Variants in SYNE2 observed in about 807,000 individuals in gnomAD.
SYNE2 encodes the protein nesprin-2.
SYNE2 carries 431 observed loss-of-function variants against 856.3 expected under a neutral mutation model. The observed-to-expected ratio is 0.50, with a 90% confidence interval of 0.47 to 0.55. The LOEUF (loss-of-function observed/expected upper bound fraction) is 0.55. Among genes scored for constraint, SYNE2 ranks in the 20% least tolerant of loss-of-function variants. The pLI is 0.00. For missense variants in SYNE2, 8,129 were observed against 8,023.2 expected (o/e 1.01, Z -0.50); for synonymous variants, 2,923 against 2,872.3 (o/e 1.02, Z -0.56).
In SYNE2 at chr14:63,780,325, G is replaced by A. The variant is rs1430825779; in HGVS notation, c.-305+18339G>A. ...GAGGCGGGCAGACGATTTGAGGTCA[G>A]GAGTTCAAGACCAGCCTGGCAAACA... On this transcript the variant is annotated intron_variant, in intron 1 of 23. Coordinates refer to the SYNE2 transcript ENST00000674003. 4.6e-5 allele frequency among the ~76,000 whole-genome samples: 7 copies of A among 152,196 alleles called. No homozygotes were observed. The East Asian group carries it at 1.2e-3, about 25-fold the overall frequency.
At position 64,052,287 on chromosome 14, in the gene SYNE2, A is replaced by C. The variant is rs751325605; in HGVS notation, c.8374A>C (p.Lys2792Gln). 1.2e-6 allele frequency: 2 copies of C among 1,614,214 alleles called. No individual in the cohort carries two copies. The highest frequency in any genetic ancestry group is 1.7e-6 in the Non-Finnish European group (2 of 1,180,040). ...ATCGTTGGCTGAAGAGGTCAAAGAT[A>C]AGGTTCCTAGCCTTACAACCTATGA... Reference protein sequence around the residue: ...VESLAEEVKDKVPSLTTYEGS... With the variant: ...VESLAEEVKDQVPSLTTYEGS... The change falls in exon 48 of 116, where the codon AAG (lysine) becomes CAG (glutamine). Residue 2792 changes from lysine to glutamine, a missense_variant. Lys to Gln is a moderately conservative substitution (Grantham distance 53). Around this residue, in one of 3 missense-constraint regions of SYNE2, gnomAD observed 5,410 missense variants for 5,284.8 expected, o/e 1.02. Transcript: ENST00000555002.
At chr14:63,773,479 G>C (rs939141651) in intron 1 of SYNE2, among the ~76,000 whole-genome samples, 1 of 152,174 alleles carries the variant, frequency 6.6e-6, no homozygotes, top group African/African-American at 2.4e-5. Context: ...GGGATTACAG[G>C]TGTGAGCCAC....
chr14:64,067,943 T>G (rs2097370102), intron 51 of SYNE2, among the ~76,000 whole-genome samples: 1 of 152,202 alleles, frequency 6.6e-6, no homozygotes, highest in African/African-American at 2.4e-5. Context: ...TCTGGGTTTT[T>G]TGGTCTCCTT....
chr14:64,029,844 A>G, intron 43 of SYNE2, 51 bp from the exon 44 acceptor site: 1 of 1,573,774 alleles, frequency 6.4e-7, no homozygotes. Context: ...TTTGTGAGTG[A>G]AAACAATCAG....
chr14:64,084,818 A>G (rs903872923), intron 57 of SYNE2: 28 of 601,408 alleles, frequency 4.7e-5, no homozygotes, highest in African/African-American at 2.2e-4. Context: ...CTCTGGCTCA[A>G]GGTCTCTCAT....
chr14:64,022,111 C>G (rs1273236843), intron 37 of SYNE2, 83 bp downstream of exon 37: 51 of 1,321,360 alleles, frequency 3.9e-5, no homozygotes, highest in Non-Finnish European at 5.0e-5. Context: ...CTAATCTAAG[C>G]CTGACTTAGA....
At chr14:64,169,759 C>T (rs988263333) in intron 93 of SYNE2, among the ~76,000 whole-genome samples, 1 of 152,132 alleles carries the variant, frequency 6.6e-6, no homozygotes, top group Non-Finnish European at 1.5e-5. Flanking sequence ...AAACAAGAGG[C>T]CTTATTTCTC....
rs1425400523 is a variant in SYNE2, at chr14:64,013,342, A to G, written c.4729-3131A>G. The stretch of plus-strand genomic sequence containing the variant: ...CATTAAATTTTTTTTTTTTTTTTGT[A>G]TATTTAGGGAGTTACAAGTGCAAAT... On this transcript the variant is annotated intron_variant, in intron 32 of 115. Coordinates refer to ENST00000555002, the MANE Select transcript of SYNE2 (RefSeq NM_182914.3). Among the ~76,000 whole-genome samples the G allele has an allele frequency of 4.3e-5, 5 of 115,804 alleles. No individual in the cohort carries two copies. The South Asian group carries it at 1.1e-3, about 25-fold the overall frequency. The allele number at this position is 115,804 out of a possible 152,430, so 76.0% of individuals were successfully genotyped here. A position where few individuals can be genotyped will look rare whatever the true frequency, so the allele number is the denominator to read the frequency against.
At chr14:64,173,830 G>A (rs1012994398) in intron 94 of SYNE2, 5 of 593,814 alleles carry the variant, frequency 8.4e-6, no homozygotes, top group African/African-American at 5.7e-5. Context: ...GCCTTTGGGA[G>A]TATGGATCAA....
At chr14:63,789,042 T>C (rs1167870822) in intron 1 of SYNE2, among the ~76,000 whole-genome samples, 2 of 152,226 alleles carry the variant, frequency 1.3e-5, no homozygotes, top group African/African-American at 2.4e-5. Context: ...TAAGAAAGAA[T>C]GGATTTCTGT....
In SYNE2 at chr14:63,864,885, A is replaced by G. The variant is rs567895715; in HGVS notation, c.-52+11742A>G. On this transcript the variant is annotated intron_variant, in intron 1 of 115. Transcript: ENST00000555002. ...TTTCCTGGGGTGTTGATCTTGAGTA[A>G]TACTCCGTGTGCATACATTCTATAG... Among the ~76,000 whole-genome samples, 3 of 152,144 alleles carry G rather than the reference A, an allele frequency of 2.0e-5. No homozygotes were observed. The East Asian group carries it at 5.8e-4, about 29-fold the overall frequency.
intron 2 of SYNE2, among the ~76,000 whole-genome samples, chr14:63,932,535 C>T (rs920870726): frequency 5.3e-5 from 8 of 150,840 alleles, no homozygotes; most frequent in Admixed American, 1.3e-4. Flanking sequence ...GGCAAAACCC[C>T]GCCTCCATAA....
chr14:63,996,659 T>C (rs2096716176), intron 23 of SYNE2, among the ~76,000 whole-genome samples: 1 of 152,180 alleles, frequency 6.6e-6, no homozygotes, highest in Admixed American at 6.5e-5. Flanking sequence ...GCTCAGATGC[T>C]TCCCTCTTGT....
chr14:63,975,574 T>A (rs1406483069), intron 11 of SYNE2, among the ~76,000 whole-genome samples: 11 of 152,186 alleles, frequency 7.2e-5, no homozygotes, highest in Non-Finnish European at 1.6e-4. Context: ...GCTCAACTGA[T>A]CCGCCTGCCT....
At chr14:64,197,277 C>T (rs1396387877) in intron 99 of SYNE2, among the ~76,000 whole-genome samples, 1 of 152,176 alleles carries the variant, frequency 6.6e-6, no homozygotes, top group Non-Finnish European at 1.5e-5. Flanking sequence ...CCAGCGTCAG[C>T]ATGCGTGTGG....
At chr14:63,824,248 AGGCTCAAGCTCTACTTGAGCTCCAG>A (rs1412641535) in intron 1 of SYNE2, among the ~76,000 whole-genome samples, 3 of 152,158 alleles carry the variant, frequency 2.0e-5, no homozygotes, top group Non-Finnish European at 4.4e-5. Context: ...CTGAGGCAGG[AGGCTCAAGCTCTACTTGAGCTCCAG>A]GGCTCAAGGC....
intron 1 of SYNE2, among the ~76,000 whole-genome samples, chr14:63,786,568 T>C (rs1165325934): frequency 4.6e-5 from 7 of 152,242 alleles, no homozygotes; most frequent in Admixed American, 4.6e-4. Flanking sequence ...GTCTTCAGTT[T>C]TGTAAACTAT....
chr14:63,937,043 T>C (rs780821176), intron 2 of SYNE2, among the ~76,000 whole-genome samples: 13 of 152,288 alleles, frequency 8.5e-5, no homozygotes, highest in East Asian at 1.9e-4. Flanking sequence ...TGATCATCTA[T>C]ATCAGATGCT....
chr14:63,920,365 G>A (rs1040125878), intron 2 of SYNE2, among the ~76,000 whole-genome samples: 2 of 151,798 alleles, frequency 1.3e-5, no homozygotes, highest in African/African-American at 4.8e-5. Flanking sequence ...TGAGCAGTGT[G>A]AAGATGAGAA....
Sources: allele counts gnomAD v4.1 joint callset (sites outside exome capture counted in the v4.1 genomes callset), GRCh38; gene constraint gnomAD v4.1.1; regional missense constraint gnomAD v4.1.1; transcripts MANE v1.5; gene names NCBI Gene and HGNC (gene_info 2026-07-23, HGNC 2026-07-21).